ASXL1: variants seen among roughly 807,000 people sequenced by gnomAD.
The protein encoded by ASXL1 is ASXL transcriptional regulator 1.
Under a neutral mutation model 89.1 loss-of-function variants are expected in ASXL1, and 65 were observed. The ratio of observed to expected loss-of-function variants is 0.73; its 90% confidence interval spans 0.60 to 0.90. The LOEUF is 0.90. ASXL1 is among the 40% of genes least tolerant of loss of function. The pLI is 0.00. For synonymous variants in ASXL1, 739 were observed against 746.9 expected (o/e 0.99, Z 0.17); for missense variants, 1,786 against 1,942.9 (o/e 0.92, Z 1.52).
chr20:32,435,627 G>T lies in ASXL1; in HGVS notation c.2915G>T (p.Gly972Val), dbSNP rs748505783. Residue 972 changes from glycine to valine, a missense_variant, in exon 13 of 13, where the codon GGC (glycine) becomes GTC (valine). Gly to Val is a moderately radical substitution (Grantham distance 109, BLOSUM62 -3). Around this residue, in one of 3 missense-constraint regions of ASXL1, gnomAD observed 1,418 missense variants for 1,427.8 expected, o/e 0.99. Transcript: ENST00000375687. ...TCTCGAGGAGGCAGTGACAGCAATG[G>T]CAGTTACTGTCAACAGGTGGACATT... ...VPSRGGSDSN[G>V]SYCQQVDIEK... 1 of 1,614,130 alleles carries T rather than the reference G, an allele frequency of 6.2e-7. No individual in the cohort carries two copies. The highest frequency in any genetic ancestry group is 1.1e-5 in the South Asian group (1 of 91,080).
intron 4 of ASXL1, among the ~76,000 whole-genome samples, chr20:32,424,736 T>C (rs2011225232): frequency 1.3e-5 from 2 of 152,250 alleles, no homozygotes; most frequent in Admixed American, 1.3e-4. Flanking sequence ...TACAGCTTTC[T>C]TTTAAATGGC....
chr20:32,375,674 T>TG (rs201034349), intron 4 of ASXL1, among the ~76,000 whole-genome samples: 3,794 of 151,746 alleles, frequency 0.025, 129 homozygotes, highest in Admixed American at 0.086. Context: ...TAGTTTGTTT[T>TG]TTTTGTTTTG....
At chr20:32,376,842 A>G (rs1970360248) in intron 4 of ASXL1, among the ~76,000 whole-genome samples, 3 of 142,564 alleles carry the variant, frequency 2.1e-5, no homozygotes, top group African/African-American at 7.5e-5. Context: ...TATAAATATC[A>G]TGATAGATAT....
At chr20:32,359,320 C>T (rs1273502438) in intron 1 of ASXL1, 2 of 702,564 alleles carry the variant, frequency 2.8e-6, no homozygotes, top group Admixed American at 2.0e-5. Flanking sequence ...GTTGAGCTTT[C>T]CCAATCTAAA....
At position 32,435,351 on chromosome 20, in the gene ASXL1, C is replaced by A. The variant is rs2145370736; in HGVS notation, c.2639C>A (p.Thr880Asn). The change falls in exon 13 of 13, where the codon ACT becomes AAT. Residue 880 changes from threonine (T) to asparagine (N), a missense_variant. Physicochemically the swap from Thr to Asn is moderately conservative, Grantham distance 65. Around this residue, in one of 3 missense-constraint regions of ASXL1, gnomAD observed 1,418 missense variants for 1,427.8 expected, o/e 0.99. Transcript: ENST00000375687. The part of the protein sequence containing the change: ...GSCPPMRESD[T>N]RQENLKTKAL... ...TGCCCTCCTATGAGGGAAAGTGATA[C>A]TAGACAAGAAAACTTGAAAACCAAG... 1.9e-6 allele frequency: 3 copies of A among 1,614,144 alleles called. 1 individual carries two copies. The highest frequency in any genetic ancestry group is 2.2e-5 in the South Asian group (2 of 91,088).
chr20:32,361,047 T>C (rs1003423778), intron 1 of ASXL1, among the ~76,000 whole-genome samples: 1 of 151,658 alleles, frequency 6.6e-6, no homozygotes, highest in African/African-American at 2.4e-5. Context: ...GCGCCCAGCC[T>C]ATGAGTAGGA....
chr20:32,436,076 C>A lies in ASXL1; in HGVS notation c.3364C>A (p.Leu1122Ile), dbSNP rs2011839784. ...GGGTAGCTTGCCCCTAGAGAAGGTT[C>A]TTCCACCAGCCCACGATGACAGCAT... Reference protein sequence around the residue: ...LQGSLPLEKVLPPAHDDSMSE... With the variant: ...LQGSLPLEKVIPPAHDDSMSE... The change falls in exon 13 of 13, where the codon CTT becomes ATT. Residue 1122 changes from leucine to isoleucine, a missense_variant. This residue lies in a region of ASXL1 where 1,418 missense variants were observed against 1,427.8 expected (regional missense o/e 0.99). Coordinates refer to ENST00000375687, the MANE Select transcript of ASXL1 (RefSeq NM_015338.6). The A allele has an allele frequency of 6.2e-7, 1 of 1,614,078 alleles. No homozygotes were observed. Among genetic ancestry groups the A allele is most frequent in the South Asian group, 1.1e-5 (1 of 91,084 alleles).
At chr20:32,376,313 C>T (rs1390342855) in intron 4 of ASXL1, among the ~76,000 whole-genome samples, 1 of 151,304 alleles carries the variant, frequency 6.6e-6, no homozygotes, top group Non-Finnish European at 1.5e-5. Context: ...CTCACTGTAT[C>T]ACCCAGGCTG....
Position 32,428,440 on chromosome 20 carries a change from C to T in ASXL1, c.471+18C>T, listed in dbSNP as rs1275109312. On this transcript the variant is annotated intron_variant, in intron 6 of 12. Transcript: ENST00000375687. ...CCTCACAGGTAAGGAAGAGGTAGAG[C>T]CTAGCCTGGGAGGATGAATGATGAC... 6.3e-7 allele frequency: 1 copy of T among 1,590,010 alleles called. No homozygotes were observed. The highest frequency in any genetic ancestry group is 8.6e-7 in the Non-Finnish European group (1 of 1,158,716).
chr20:32,428,598 G>C (rs1231625581), intron 6 of ASXL1, among the ~76,000 whole-genome samples, 176 bp downstream of exon 6: 4 of 148,350 alleles, frequency 2.7e-5, no homozygotes, highest in Non-Finnish European at 6.0e-5. Flanking sequence ...CAGTAGGTTT[G>C]AGCAGAGTAA....
rs1348361949 is a variant in ASXL1, at chr20:32,358,648, G to C, written c.-128G>C. The C allele has an allele frequency of 8.2e-6, 2 of 244,436 alleles. No individual in the cohort carries two copies. Among genetic ancestry groups the C allele is most frequent in the Non-Finnish European group, 1.3e-5 (2 of 150,164 alleles). 15.1% of individuals were successfully genotyped at this position (244,436 alleles called of 1,614,324 possible). ...CCGCCCCTTCTCCCCGGCCGCACCC[G>C]AGACCTCGCGCGCCGCCGCTGCCAC... On this transcript the variant is annotated 5_prime_UTR_variant, in exon 1 of 13. Transcript: ENST00000375687.
At chr20:32,389,314 G>GT (rs1342356010) in intron 4 of ASXL1, among the ~76,000 whole-genome samples, 1 of 152,038 alleles carries the variant, frequency 6.6e-6, no homozygotes, top group Non-Finnish European at 1.5e-5. Flanking sequence ...TTTCTGCTGT[G>GT]TATCATCTTA....
At chr20:32,379,646 T>G (rs1303526793) in intron 4 of ASXL1, among the ~76,000 whole-genome samples, 2 of 150,916 alleles carry the variant, frequency 1.3e-5, no homozygotes, top group African/African-American at 4.9e-5. Context: ...GCCAACCTGG[T>G]GAAACCCCGT....
chr20:32,377,726 C>G (rs1356619400), intron 4 of ASXL1, among the ~76,000 whole-genome samples: 1 of 151,052 alleles, frequency 6.6e-6, no homozygotes, highest in African/African-American at 2.4e-5. Flanking sequence ...GGTCTTGGCT[C>G]ACTGCAACCT....
chr20:32,380,236 C>A (rs986790521), intron 4 of ASXL1, among the ~76,000 whole-genome samples: 1 of 152,094 alleles, frequency 6.6e-6, no homozygotes, highest in Non-Finnish European at 1.5e-5. Flanking sequence ...GAGCCTATTG[C>A]GCAACTGCAC....
chr20:32,363,660 A>G (rs934875701), intron 1 of ASXL1, among the ~76,000 whole-genome samples: 1 of 152,214 alleles, frequency 6.6e-6, no homozygotes, highest in Non-Finnish European at 1.5e-5. Context: ...GAAAAGAGAC[A>G]TTTACCTCTG....
chr20:32,380,724 C>T (rs1027476529), intron 4 of ASXL1, among the ~76,000 whole-genome samples: 5 of 151,902 alleles, frequency 3.3e-5, no homozygotes, highest in East Asian at 1.9e-4. Context: ...CTATCCTGGG[C>T]GACTAATTGA....
At chr20:32,419,141 C>A (rs1351265881) in intron 4 of ASXL1, among the ~76,000 whole-genome samples, 1 of 151,722 alleles carries the variant, frequency 6.6e-6, no homozygotes, top group Non-Finnish European at 1.5e-5. Flanking sequence ...AAATTGACAT[C>A]TTTATGATAT....
chr20:32,362,057 C>A lies in ASXL1; in HGVS notation c.57+3225C>A, dbSNP rs533542413. Among the ~76,000 whole-genome samples, 9 of 152,228 alleles carry A rather than the reference C, an allele frequency of 5.9e-5. No homozygotes were observed. In the South Asian group the frequency reaches 1.9e-3, roughly 32 times the overall value. On this transcript the variant is annotated intron_variant, in intron 1 of 12. Coordinates refer to ENST00000375687, the MANE Select transcript of ASXL1 (RefSeq NM_015338.6). ...GCACTCCAGCGGCGACAGTGAGACT[C>A]TGTCTCAAAAACAAAACAAAAGAAA... is the stretch of plus-strand genomic sequence containing the variant.
Sources: gnomAD v4.1 joint callset for allele counts (sites outside exome capture counted in the v4.1 genomes callset) on GRCh38, gnomAD v4.1.1 for gene constraint, gnomAD v4.1.1 regional missense constraint, MANE v1.5 for transcripts, NCBI Gene and HGNC (gene_info 2026-07-23, HGNC 2026-07-21) for gene names.